Variants in CPA6 observed in about 807,000 individuals in gnomAD.
CPA6 encodes carboxypeptidase A6.
A neutral mutation model predicts 63.3 loss-of-function variants in CPA6; 58 were observed. That is an observed-to-expected ratio of 0.92 (90% CI 0.74 to 1.14). The LOEUF (loss-of-function observed/expected upper bound fraction) is 1.14. Among genes scored for constraint, CPA6 ranks in the 50% most tolerant of loss-of-function variants. CPA6 has a pLI of 0.00. For synonymous variants in CPA6, 185 were observed against 179.0 expected (o/e 1.03, Z -0.27); for missense variants, 565 against 526.6 (o/e 1.07, Z -0.71).
intron 2 of CPA6, among the ~76,000 whole-genome samples, chr8:67,623,714 A>G (rs1563366032): frequency 6.6e-6 from 1 of 152,174 alleles, no homozygotes; most frequent in African/African-American, 2.4e-5. Flanking sequence ...GACTACAGGC[A>G]TGAGCCACTG....
chr8:67,617,879 T>A (rs1301998037), intron 2 of CPA6, among the ~76,000 whole-genome samples: 1 of 152,242 alleles, frequency 6.6e-6, no homozygotes, highest in Non-Finnish European at 1.5e-5. Flanking sequence ...TCTCAGCAGC[T>A]AGAGGCCACC....
At chr8:67,665,158 A>C (rs1031598830) in intron 1 of CPA6, among the ~76,000 whole-genome samples, 4 of 152,222 alleles carry the variant, frequency 2.6e-5, no homozygotes, top group African/African-American at 9.6e-5. Context: ...CAAGATTTCT[A>C]TTTCTTCACG....
rs1809933061 is a variant in CPA6, at chr8:67,428,057, G to A, written c.1116C>T (p.Ser372=). The A allele has an allele frequency of 6.2e-7, 1 of 1,608,536 alleles. No homozygotes were observed. Among genetic ancestry groups the A allele is most frequent in the Non-Finnish European group, 8.5e-7 (1 of 1,175,276 alleles). The change falls in exon 10 of 11, where the codon TCC becomes TCT. Residue 372 remains serine (S), a synonymous_variant. Transcript: ENST00000297770. The part of the protein sequence containing the change: ...YGVRYRYGPA[S]TTLYVSSGSS... ...ACGCAGGAAACTTACACAACGTTGT[G>A]GAGGCTGGTCCATATCTGTATCGTA...
chr8:67,654,718 C>A (rs1815941861), intron 1 of CPA6, among the ~76,000 whole-genome samples: 1 of 152,076 alleles, frequency 6.6e-6, no homozygotes, highest in Admixed American at 6.6e-5. Context: ...TGTTGCCAAT[C>A]TGTAAAATCT....
chr8:67,442,112 AT>A (rs1810307849), intron 8 of CPA6, among the ~76,000 whole-genome samples: 1 of 152,158 alleles, frequency 6.6e-6, no homozygotes, highest in Non-Finnish European at 1.5e-5. Context: ...AAGTCAGACT[AT>A]GTGTAATAAT....
At chr8:67,633,329 T>A (rs1392416879) in intron 1 of CPA6, among the ~76,000 whole-genome samples, 1 of 152,212 alleles carries the variant, frequency 6.6e-6, no homozygotes, top group Admixed American at 6.5e-5. Flanking sequence ...ATTCTTATAA[T>A]TTTTATTTTT....
At chr8:67,474,781 G>T (rs1471710713) in intron 8 of CPA6, among the ~76,000 whole-genome samples, 2 of 152,098 alleles carry the variant, frequency 1.3e-5, no homozygotes, top group Non-Finnish European at 2.9e-5. Flanking sequence ...CTTGAGACCA[G>T]CCTGGGCAAT....
chr8:67,532,306 T>C (rs1255034065), intron 2 of CPA6, among the ~76,000 whole-genome samples: 2 of 152,052 alleles, frequency 1.3e-5, no homozygotes, highest in Admixed American at 1.3e-4. Flanking sequence ...ATGTTAGCAA[T>C]AAGAAAGTGA....
At chr8:67,648,182 C>T (rs542861576) in intron 1 of CPA6, among the ~76,000 whole-genome samples, 1 of 150,898 alleles carries the variant, frequency 6.6e-6, no homozygotes, top group South Asian at 2.1e-4. Context: ...CAGTTTTATA[C>T]TCTGCCTATG....
intron 2 of CPA6, among the ~76,000 whole-genome samples, chr8:67,559,901 T>C (rs5008275): frequency 0.64 from 95,841 of 150,158 alleles, 31,118 homozygotes; most frequent in Non-Finnish European, 0.71. Context: ...ATATATAGTG[T>C]TTTTATAAGA....
chr8:67,422,540 T>A lies in CPA6; in HGVS notation c.1278A>T (p.Lys426Asn). ...PTCTETMLAV[K>N]NITMHLLKKC... The stretch of plus-strand genomic sequence containing the variant: ...TCTTTAGCAGGTGCATTGTGATATT[T>A]TTCACAGCCAGCATAGTTTCTGTAC... The change falls in exon 11 of 11, where the codon AAA becomes AAT. Residue 426 changes from lysine (K) to asparagine (N), a missense_variant. Transcript: ENST00000297770. 1 of 1,614,152 alleles carries A rather than the reference T, an allele frequency of 6.2e-7. No individual in the cohort carries two copies.
chr8:67,434,653 C>T (rs912328150), intron 8 of CPA6, among the ~76,000 whole-genome samples: 1 of 152,228 alleles, frequency 6.6e-6, no homozygotes, highest in East Asian at 1.9e-4. Context: ...CCCGCTGGAG[C>T]CCTAGTGGCT....
At chr8:67,449,863 T>G (rs1181656693) in intron 8 of CPA6, among the ~76,000 whole-genome samples, 1 of 146,568 alleles carries the variant, frequency 6.8e-6, no homozygotes, top group East Asian at 2.0e-4. Context: ...CCAGGCTGGA[T>G]GGAGTGCAGT....
chr8:67,743,000 T>C (rs1817941567), intron 1 of CPA6, among the ~76,000 whole-genome samples: 1 of 152,038 alleles, frequency 6.6e-6, no homozygotes, highest in South Asian at 2.1e-4. Flanking sequence ...GCATAATAAA[T>C]AATCAGGTCT....
At chr8:67,666,108 C>G (rs1052283967) in intron 1 of CPA6, among the ~76,000 whole-genome samples, 1 of 152,320 alleles carries the variant, frequency 6.6e-6, no homozygotes. Flanking sequence ...GGATGGCAGA[C>G]TTCACTCACC....
chr8:67,434,061 T>A lies in CPA6; in HGVS notation c.1018A>T (p.Thr340Ser). ...LLYPYSYKYATIPNFRCVESA... is the reference protein window; with the variant it reads ...LLYPYSYKYASIPNFRCVESA... ...ACCACACATCTAAAATTGGGAATTG[T>A]TGCATATTTGTAAGAATAGGGATAC... The change falls in exon 9 of 11, where the codon ACA becomes TCA. Residue 340 changes from threonine (T) to serine (S), a missense_variant. Coordinates refer to ENST00000297770, the MANE Select transcript of CPA6 (RefSeq NM_020361.5). 6.2e-7 allele frequency: 1 copy of A among 1,612,870 alleles called. No individual in the cohort carries two copies. The highest frequency in any genetic ancestry group is 8.5e-7 in the Non-Finnish European group (1 of 1,179,428).
chr8:67,636,421 T>A (rs1197755240), intron 1 of CPA6, among the ~76,000 whole-genome samples: 1 of 151,584 alleles, frequency 6.6e-6, no homozygotes, highest in African/African-American at 2.4e-5. Context: ...AAAAGCACCC[T>A]GTAAAACAGT....
intron 2 of CPA6, among the ~76,000 whole-genome samples, chr8:67,530,994 G>C (rs774221897): frequency 6.6e-6 from 1 of 152,150 alleles, no homozygotes; most frequent in African/African-American, 2.4e-5. Context: ...GCCACTATAC[G>C]TGAAAGCTAA....
At chr8:67,689,168 G>A (rs7816725) in intron 1 of CPA6, among the ~76,000 whole-genome samples, 71,187 of 151,790 alleles carry the variant, frequency 0.47, 19,852 homozygotes, top group African/African-American at 0.79. Flanking sequence ...ATGTACTCCC[G>A]TAACTTTTTG....
Sources: gnomAD v4.1 joint callset for allele counts (sites outside exome capture counted in the v4.1 genomes callset) on GRCh38, gnomAD v4.1.1 for gene constraint, MANE v1.5 for transcripts, NCBI Gene and HGNC (gene_info 2026-07-23, HGNC 2026-07-21) for gene names.